Variants in GABBR2 observed in about 807,000 individuals in gnomAD.
The protein encoded by GABBR2 is gamma-aminobutyric acid type B receptor subunit 2.
GABBR2 carries 23 observed loss-of-function variants against 105.6 expected under a neutral mutation model. That is an observed-to-expected ratio of 0.22 (90% CI 0.16 to 0.31). The LOEUF (loss-of-function observed/expected upper bound fraction) is 0.31. Ranked by LOEUF, GABBR2 falls within the 10% of genes least tolerant of loss-of-function variation. The probability of loss-of-function intolerance (pLI) is 1.00; values close to 1 mark genes in which losing one functional copy is unlikely to be tolerated. For synonymous variants in GABBR2, 478 were observed against 499.7 expected, an observed-to-expected ratio of 0.96 and a Z score of 0.58; for missense variants, 734 against 1,245.5, an observed-to-expected ratio of 0.59 and a Z score of 6.18.
intron 16 of GABBR2, among the ~76,000 whole-genome samples, chr9:98,299,815 T>C (rs570331105): frequency 4.9e-4 from 74 of 152,274 alleles, no homozygotes; most frequent in Admixed American, 2.8e-3. Flanking sequence ...AGATAATACA[T>C]GGAAAGTTTA....
intron 2 of GABBR2, among the ~76,000 whole-genome samples, chr9:98,565,794 G>A (rs1450232571): frequency 2.0e-5 from 3 of 152,192 alleles, no homozygotes; most frequent in Non-Finnish European, 4.4e-5. Flanking sequence ...GAGCCTGGAT[G>A]TGAACCCCAG....
chr9:98,534,783 C>A (rs750207809), intron 3 of GABBR2, among the ~76,000 whole-genome samples: 1 of 152,182 alleles, frequency 6.6e-6, no homozygotes, highest in Non-Finnish European at 1.5e-5. Context: ...GGTGGGAATG[C>A]AAAATGGTAC....
At chr9:98,480,877 GA>G in intron 5 of GABBR2, 54 bp downstream of exon 5, 4 of 1,018,512 alleles carry the variant, frequency 3.9e-6, no homozygotes, top group South Asian at 1.3e-5. Flanking sequence ...ATGAGTATGG[GA>G]AAAAGCTTCG....
chr9:98,703,034 T>C (rs562593255), intron 1 of GABBR2, among the ~76,000 whole-genome samples: 12 of 152,366 alleles, frequency 7.9e-5, no homozygotes, highest in Non-Finnish European at 1.5e-4. Flanking sequence ...GTCATGTGAC[T>C]TGTTCGTGGA....
At chr9:98,428,338 G>A (rs142275967) in intron 7 of GABBR2, among the ~76,000 whole-genome samples, 14 of 152,320 alleles carry the variant, frequency 9.2e-5, no homozygotes, top group African/African-American at 2.9e-4. Flanking sequence ...CACAGCCATG[G>A]AGGGGCACAG....
At position 98,371,598 on chromosome 9, in the gene GABBR2, T is replaced by C. The variant is rs200970604; in HGVS notation, c.1663-27A>G. ...TAGAGGCCATGAGAAAACAGAGGCA[T>C]TGACCTTCCTTAGGTAGACAGACTT... is the stretch of plus-strand genomic sequence containing the variant. On this transcript the variant is annotated intron_variant, in intron 11 of 18. Coordinates refer to ENST00000259455, the MANE Select transcript of GABBR2 (RefSeq NM_005458.8). The C allele has an allele frequency of 5.6e-6, 7 of 1,253,984 alleles. No homozygotes were observed. In the African/African-American group the frequency reaches 7.3e-5, roughly 13 times the overall value. The allele number at this position is 1,253,984 out of a possible 1,614,324, so 77.7% of individuals were successfully genotyped here. A position where few individuals can be genotyped will look rare whatever the true frequency, so the allele number is the denominator to read the frequency against.
chr9:98,577,568 G>A (rs187602817), intron 2 of GABBR2, among the ~76,000 whole-genome samples: 244 of 152,314 alleles, frequency 1.6e-3, no homozygotes, highest in Non-Finnish European at 2.6e-3. Flanking sequence ...GGTCCAGGGC[G>A]CATGTGTGGA....
intron 12 of GABBR2, among the ~76,000 whole-genome samples, chr9:98,363,067 T>G (rs1388418808): frequency 6.6e-6 from 1 of 152,194 alleles, no homozygotes; most frequent in Non-Finnish European, 1.5e-5. Flanking sequence ...TGCATTTTGT[T>G]GAAGTTTGGC....
chr9:98,509,493 A>C (rs1035467259), intron 3 of GABBR2, among the ~76,000 whole-genome samples: 1 of 152,164 alleles, frequency 6.6e-6, no homozygotes, highest in African/African-American at 2.4e-5. Context: ...GGAAATTCGA[A>C]CCAATGGCAA....
intron 2 of GABBR2, among the ~76,000 whole-genome samples, chr9:98,560,482 TACACACAC>T (rs750235644): frequency 7.7e-6 from 1 of 130,526 alleles, no homozygotes; most frequent in African/African-American, 3.0e-5. Flanking sequence ...CACACACATA[TACACACAC>T]ACACATACAC....
intron 1 of GABBR2, among the ~76,000 whole-genome samples, chr9:98,605,636 C>T (rs1001748217): frequency 3.3e-5 from 5 of 152,178 alleles, no homozygotes; most frequent in African/African-American, 1.2e-4. Context: ...CCTGCACATT[C>T]ACATCTTTCT....
chr9:98,467,556 A>G (rs1004371432), intron 6 of GABBR2, among the ~76,000 whole-genome samples: 1 of 152,216 alleles, frequency 6.6e-6, no homozygotes, highest in Non-Finnish European at 1.5e-5. Context: ...TGCTAAGCTC[A>G]GTGCTTCCCT....
chr9:98,437,633 T>C (rs960476317), intron 7 of GABBR2, among the ~76,000 whole-genome samples: 6 of 137,338 alleles, frequency 4.4e-5, no homozygotes, highest in Non-Finnish European at 6.1e-5. Flanking sequence ...CCACCTGCCA[T>C]CTTCCTGTTA....
chr9:98,389,431 A>G (rs1321554756), intron 9 of GABBR2, among the ~76,000 whole-genome samples: 2 of 152,154 alleles, frequency 1.3e-5, no homozygotes, highest in African/African-American at 2.4e-5. Flanking sequence ...TACACAATAA[A>G]TGATCCCTCC....
At chr9:98,435,210 C>A (rs1311503500) in intron 7 of GABBR2, among the ~76,000 whole-genome samples, 1 of 152,184 alleles carries the variant, frequency 6.6e-6, no homozygotes, top group East Asian at 1.9e-4. Flanking sequence ...TTTCTCTGGG[C>A]TGCCAAGTAA....
intron 13 of GABBR2, among the ~76,000 whole-genome samples, chr9:98,361,932 T>C (rs960116963): frequency 2.0e-5 from 3 of 152,250 alleles, no homozygotes; most frequent in Admixed American, 6.5e-5. Context: ...GTGCATAGAA[T>C]GACCATTTCT....
chr9:98,545,637 C>T (rs1355118988), intron 2 of GABBR2, among the ~76,000 whole-genome samples: 1 of 152,196 alleles, frequency 6.6e-6, no homozygotes, highest in Non-Finnish European at 1.5e-5. Flanking sequence ...GATTATGATG[C>T]TCAGTGAGGG....
Position 98,708,809 on chromosome 9 carries a change from A to G in GABBR2, c.-72T>C, listed in dbSNP as rs1830940341. 5 of 926,836 alleles carry G rather than the reference A, an allele frequency of 5.4e-6. 1 individual carries two copies. Among genetic ancestry groups the G allele is most frequent in the Non-Finnish European group, 1.3e-6 (1 of 779,196 alleles). 57.4% of individuals were successfully genotyped at this position (926,836 alleles called of 1,614,324 possible). On this transcript the variant is annotated 5_prime_UTR_variant, in exon 1 of 19. Transcript: ENST00000259455. ...TGGCCCGGCCCGCCGCCCCGCGCCA[A>G]GGTCTTCCCGCGGCGCCCGCGCAAT...
intron 7 of GABBR2, among the ~76,000 whole-genome samples, chr9:98,426,978 G>A (rs956764716): frequency 1.3e-5 from 2 of 152,216 alleles, no homozygotes; most frequent in Non-Finnish European, 2.9e-5. Context: ...ACTCCAGCCT[G>A]CGTGACAGAA....
Sources: gnomAD v4.1 joint callset for allele counts (sites outside exome capture counted in the v4.1 genomes callset) on GRCh38, gnomAD v4.1.1 for gene constraint, MANE v1.5 for transcripts, NCBI Gene and HGNC (gene_info 2026-07-23, HGNC 2026-07-21) for gene names.